Variants in GYPC observed in about 807,000 individuals in gnomAD.
GYPC encodes glycophorin C (Gerbich blood group), also known as glycophorin-C.
A neutral mutation model predicts 12.6 loss-of-function variants in GYPC; 14 were observed. That is an observed-to-expected ratio of 1.11 (90% CI 0.74 to 1.74). GYPC has a LOEUF of 1.74. Among genes scored for constraint, GYPC ranks in the 40% most tolerant of loss-of-function variants. GYPC has a pLI of 0.00. For missense variants in GYPC, 225 were observed against 172.1 expected, an observed-to-expected ratio of 1.31 and a Z score of -1.72; for synonymous variants, 78 against 62.1, an observed-to-expected ratio of 1.26 and a Z score of -1.20.
intron 2 of GYPC, among the ~76,000 whole-genome samples, chr2:126,692,327 T>C (rs538801988): frequency 9.2e-5 from 14 of 152,228 alleles, no homozygotes; most frequent in East Asian, 1.9e-4. Context: ...GGCCCATCTG[T>C]GTCCTGCTGT....
chr2:126,694,339 C>A (rs1322004018), intron 3 of GYPC, among the ~76,000 whole-genome samples: 2 of 152,112 alleles, frequency 1.3e-5, no homozygotes, highest in African/African-American at 4.8e-5. Flanking sequence ...CCTCAACCCT[C>A]CATCCTCAAG....
At chr2:126,679,418 G>A (rs1411461113) in intron 1 of GYPC, among the ~76,000 whole-genome samples, 2 of 152,136 alleles carry the variant, frequency 1.3e-5, no homozygotes, top group Non-Finnish European at 2.9e-5. Context: ...AGAATCTTAG[G>A]AAGGTTATTT....
intron 1 of GYPC, among the ~76,000 whole-genome samples, chr2:126,677,987 C>G (rs1478260561): frequency 6.6e-6 from 1 of 152,142 alleles, no homozygotes; most frequent in Non-Finnish European, 1.5e-5. Context: ...TTTGGGAGGC[C>G]AAGGTGGGCG....
intron 1 of GYPC, among the ~76,000 whole-genome samples, chr2:126,669,310 G>A (rs1682775934): frequency 1.3e-5 from 2 of 152,202 alleles, no homozygotes; most frequent in African/African-American, 4.8e-5. Context: ...TGTGCTGCGA[G>A]TGGATGCTCC....
At chr2:126,661,264 C>T (rs145891209) in intron 1 of GYPC, among the ~76,000 whole-genome samples, 3,498 of 152,172 alleles carry the variant, frequency 0.023, 87 homozygotes, top group Middle Eastern at 0.044. Flanking sequence ...CCTGCCTCGC[C>T]TGGCATCCCC....
intron 1 of GYPC, among the ~76,000 whole-genome samples, chr2:126,656,937 A>T (rs1251398236): frequency 6.6e-6 from 1 of 152,164 alleles, no homozygotes; most frequent in East Asian, 1.9e-4. Flanking sequence ...GCTTGGAAAC[A>T]TTGCTGGGCC....
Position 126,673,255 on chromosome 2 carries a change from C to T in GYPC, c.49+16943C>T, listed in dbSNP as rs1467412161. On this transcript the variant is annotated intron_variant, in intron 1 of 3. Coordinates refer to ENST00000259254, the MANE Select transcript of GYPC (RefSeq NM_002101.5). ...CTCCGGAAGAGACTGACTCCTGATT[C>T]CTGCGCTTCTCATCTTCACCTAACA... Among the ~76,000 whole-genome samples the T allele has an allele frequency of 2.6e-5, 4 of 152,126 alleles. No homozygotes were observed. The East Asian group carries it at 7.7e-4, about 29-fold the overall frequency.
At chr2:126,680,762 T>C (rs1683130235) in intron 1 of GYPC, among the ~76,000 whole-genome samples, 1 of 152,172 alleles carries the variant, frequency 6.6e-6, no homozygotes, top group Admixed American at 6.5e-5. Context: ...ATGCATGTCT[T>C]TCTTGAAAAT....
chr2:126,687,793 G>A (rs1485139637), intron 1 of GYPC, among the ~76,000 whole-genome samples: 8 of 152,238 alleles, frequency 5.3e-5, no homozygotes, highest in African/African-American at 1.9e-4. Context: ...CAGCCTGGCT[G>A]CCCTGCTGGA....
At chr2:126,686,862 C>G (rs1683306511) in intron 1 of GYPC, among the ~76,000 whole-genome samples, 1 of 152,048 alleles carries the variant, frequency 6.6e-6, no homozygotes, top group African/African-American at 2.4e-5. Context: ...CCGCAGATCA[C>G]CCCCATCCTA....
chr2:126,658,205 A>C (rs1474129368), intron 1 of GYPC: 1 of 152,276 alleles, frequency 6.6e-6, no homozygotes, highest in Non-Finnish European at 1.5e-5. Context: ...TTAAGTGCCA[A>C]ATGAAATTCC....
chr2:126,690,335 A>C, intron 2 of GYPC, 24 bp downstream of exon 2: 2 of 1,565,708 alleles, frequency 1.3e-6, no homozygotes, highest in Non-Finnish European at 1.8e-6. Flanking sequence ...ACAGAGCCTC[A>C]CCATAATGGA....
intron 1 of GYPC, among the ~76,000 whole-genome samples, 180 bp from the exon 2 acceptor site, chr2:126,690,075 C>A (rs1402349726): frequency 6.6e-6 from 1 of 152,198 alleles, no homozygotes; most frequent in Non-Finnish European, 1.5e-5. Flanking sequence ...CCAAGCAGAA[C>A]CTGGTTCCTG....
At chr2:126,673,356 A>G (rs556518223) in intron 1 of GYPC, among the ~76,000 whole-genome samples, 4 of 152,166 alleles carry the variant, frequency 2.6e-5, no homozygotes, top group Non-Finnish European at 5.9e-5. Flanking sequence ...CACATTTCTT[A>G]TCCCTCTGTC....
intron 1 of GYPC, chr2:126,686,143 A>T: frequency 1.0e-6 from 1 of 985,452 alleles, no homozygotes; most frequent in Non-Finnish European, 1.2e-6. Context: ...GTGTCATCTG[A>T]AAATGCAAGA....
In GYPC at chr2:126,695,985, T is replaced by C; in HGVS notation, c.230T>C (p.Leu77Pro). 6.2e-7 allele frequency: 1 copy of C among 1,614,078 alleles called. No individual in the cohort carries two copies. Among genetic ancestry groups the C allele is most frequent in the Non-Finnish European group, 8.5e-7 (1 of 1,179,992 alleles). The change falls in exon 4 of 4, where the codon CTC becomes CCC. Residue 77 changes from leucine (L) to proline (P), a missense_variant. Transcript: ENST00000259254. ...GTGGCCATCGTCCTAGTCTCCCTCC[T>C]CTTCGTCATGCTGCGCTACATGTAC... ...AAVAIVLVSL[L>P]FVMLRYMYRH...
At chr2:126,664,356 T>A (rs989175562) in intron 1 of GYPC, among the ~76,000 whole-genome samples, 5 of 152,018 alleles carry the variant, frequency 3.3e-5, no homozygotes, top group Non-Finnish European at 5.9e-5. Context: ...AGGGAGGTAT[T>A]TTTATCTCCA....
Position 126,694,178 on chromosome 2 carries a change from T to G in GYPC, c.190+231T>G, listed in dbSNP as rs564805773. Among the ~76,000 whole-genome samples, 187 of 152,226 alleles carry G rather than the reference T, an allele frequency of 1.2e-3. 1 individual carries two copies. Among genetic ancestry groups the G allele is most frequent in the African/African-American group, 3.9e-3 (161 of 41,528 alleles). ...GTATTTATTGGCCTTTCTCAGGGCT[T>G]TTGACTCACAGGAACTCAGGAGCTG... On this transcript the variant is annotated intron_variant, in intron 3 of 3. Transcript: ENST00000259254.
At chr2:126,694,121 T>C (rs545818123) in intron 3 of GYPC, among the ~76,000 whole-genome samples, 174 bp downstream of exon 3, 2 of 152,098 alleles carry the variant, frequency 1.3e-5, no homozygotes, top group Non-Finnish European at 2.9e-5. Flanking sequence ...TAAATATATA[T>C]ATACATGCAT....
Sources: gnomAD v4.1 joint callset for allele counts (sites outside exome capture counted in the v4.1 genomes callset) on GRCh38, gnomAD v4.1.1 for gene constraint, MANE v1.5 for transcripts, NCBI Gene and HGNC (gene_info 2026-07-23, HGNC 2026-07-21) for gene names.